The following UBR3 variants were observed in gnomAD, a reference collection of about 807,000 sequenced individuals.
UBR3 encodes ubiquitin protein ligase E3 component n-recognin 3, also known as E3 ubiquitin-protein ligase UBR3.
A neutral mutation model predicts 243.2 loss-of-function variants in UBR3; 85 were observed. That is an observed-to-expected ratio of 0.35 (90% CI 0.29 to 0.42). UBR3 has a LOEUF of 0.42. Among genes scored for constraint, UBR3 ranks in the 10% least tolerant of loss-of-function variants. UBR3 has a pLI of 1.00. For missense variants in UBR3, 1,686 were observed against 2,300.8 expected (o/e 0.73, Z 5.47); for synonymous variants, 748 against 799.8 (o/e 0.94, Z 1.09).
chr2:169,925,219 A>G (rs936003692), intron 13 of UBR3, among the ~76,000 whole-genome samples: 2 of 152,202 alleles, frequency 1.3e-5, no homozygotes, highest in Non-Finnish European at 2.9e-5. Flanking sequence ...GACTTTGAAC[A>G]GTTGGTTTTA....
chr2:169,917,495 A>G lies in UBR3; in HGVS notation c.1866+3349A>G, dbSNP rs79286936. Among the ~76,000 whole-genome samples the G allele has an allele frequency of 5.6e-3, 849 of 152,318 alleles. 7 individuals are homozygous for G. The highest frequency in any genetic ancestry group is 0.019 in the African/African-American group (801 of 41,570). On this transcript the variant is annotated intron_variant, in intron 11 of 38. Transcript: ENST00000272793. ...ACACAAGAAAATGATATTTAAATTA[A>G]TCATGCTTGGAATCATGAGTGTAGT...
At chr2:169,866,659 G>A (rs555128960) in intron 1 of UBR3, among the ~76,000 whole-genome samples, 12 of 152,132 alleles carry the variant, frequency 7.9e-5, no homozygotes, top group East Asian at 3.9e-4. Flanking sequence ...AACCGTGCCC[G>A]GACTGGAAGA....
In UBR3 at chr2:169,955,807, AAAAAG is replaced by A. The variant is rs1371865996; in HGVS notation, c.3546-2629_3546-2625del. Among the ~76,000 whole-genome samples, 125 of 150,896 alleles carry A rather than the reference AAAAAG, an allele frequency of 8.3e-4. 1 individual carries two copies. Among genetic ancestry groups the A allele is most frequent in the African/African-American group, 2.6e-3 (107 of 41,204 alleles). Reference sequence around the variant, plus strand: ...AGACTCCATCTCAAAAAAAAAAAAAAAAAAGATGTTGCAGGCTTATCCTGTACTTG... The same window carrying A: ...AGACTCCATCTCAAAAAAAAAAAAAAATGTTGCAGGCTTATCCTGTACTTG... On this transcript the variant is annotated intron_variant, in intron 23 of 38. Transcript: ENST00000272793.
At chr2:169,950,890 GAA>G (rs1194824933) in intron 23 of UBR3, among the ~76,000 whole-genome samples, 1 of 140,420 alleles carries the variant, frequency 7.1e-6, no homozygotes, top group African/African-American at 2.6e-5. Flanking sequence ...GTTTATTAAA[GAA>G]AAAAAAAAAG....
At chr2:169,831,162 G>C (rs2081930032) in intron 1 of UBR3, among the ~76,000 whole-genome samples, 1 of 90,156 alleles carries the variant, frequency 1.1e-5, no homozygotes, top group African/African-American at 4.4e-5. Context: ...TTTTGAGAGA[G>C]AGAGTTTTGC....
intron 8 of UBR3, among the ~76,000 whole-genome samples, chr2:169,904,119 G>A (rs2084927459): frequency 6.6e-6 from 1 of 151,930 alleles, no homozygotes; most frequent in Admixed American, 6.6e-5. Flanking sequence ...TCTGTCCCAA[G>A]GTTTTTTAGC....
At chr2:170,069,366 G>A (rs577591676) in intron 35 of UBR3, among the ~76,000 whole-genome samples, 27 of 151,972 alleles carry the variant, frequency 1.8e-4, no homozygotes, top group East Asian at 7.7e-4. Context: ...GTAATGTTTT[G>A]ATATATATGT....
intron 5 of UBR3, among the ~76,000 whole-genome samples, chr2:169,888,082 T>C (rs1425236249): frequency 6.6e-6 from 1 of 150,946 alleles, no homozygotes; most frequent in Non-Finnish European, 1.5e-5. Context: ...GGCAGTTTTT[T>C]CTTTTTCTTT....
intron 8 of UBR3, among the ~76,000 whole-genome samples, chr2:169,898,431 A>G (rs944858819): frequency 3.3e-5 from 5 of 152,202 alleles, no homozygotes; most frequent in Non-Finnish European, 5.9e-5. Flanking sequence ...TATGCATTAT[A>G]TCACTTAACC....
chr2:170,057,198 C>G (rs1218131469), intron 33 of UBR3, among the ~76,000 whole-genome samples: 1 of 151,404 alleles, frequency 6.6e-6, no homozygotes, highest in African/African-American at 2.4e-5. Flanking sequence ...TCACTGCAGC[C>G]TCAACCTCCT....
At chr2:169,871,385 G>A (rs1371839379) in intron 1 of UBR3, among the ~76,000 whole-genome samples, 1 of 149,986 alleles carries the variant, frequency 6.7e-6, no homozygotes, top group Non-Finnish European at 1.5e-5. Flanking sequence ...GGATGCATGT[G>A]AGTGACAAAG....
intron 27 of UBR3, among the ~76,000 whole-genome samples, chr2:170,005,477 G>A (rs73977007): frequency 0.074 from 11,293 of 152,186 alleles, 954 homozygotes; most frequent in African/African-American, 0.21. Context: ...CATAGAGGGC[G>A]AGTGGGAAAT....
intron 23 of UBR3, among the ~76,000 whole-genome samples, chr2:169,956,476 G>A (rs10164535): frequency 1.4e-3 from 220 of 152,060 alleles, no homozygotes; most frequent in African/African-American, 5.1e-3. Flanking sequence ...TTTTGAAATG[G>A]CCAACATCAT....
intron 19 of UBR3, among the ~76,000 whole-genome samples, chr2:169,936,911 C>G (rs1394761877): frequency 6.6e-6 from 1 of 152,148 alleles, no homozygotes; most frequent in East Asian, 1.9e-4. Flanking sequence ...TTTCTTAATC[C>G]AGTCTATCAT....
At chr2:169,936,162 C>T (rs891195646) in intron 19 of UBR3, among the ~76,000 whole-genome samples, 8 of 152,064 alleles carry the variant, frequency 5.3e-5, no homozygotes, top group Admixed American at 3.9e-4. Context: ...CGGATTCAAG[C>T]GATACATCCG....
chr2:170,072,076 A>G (rs559131881), intron 35 of UBR3, among the ~76,000 whole-genome samples: 222 of 152,300 alleles, frequency 1.5e-3, no homozygotes, highest in Non-Finnish European at 2.6e-3. Flanking sequence ...TACTGGGTAT[A>G]TACCCAAAGG....
chr2:169,944,536 C>G (rs1405918552), intron 20 of UBR3, among the ~76,000 whole-genome samples: 1 of 152,054 alleles, frequency 6.6e-6, no homozygotes, highest in Non-Finnish European at 1.5e-5. Flanking sequence ...AAATAACTTT[C>G]TTGATTTTAC....
Position 169,827,726 on chromosome 2 carries a change from C to CGCGGCG in UBR3, c.225_230dup (p.Ala76_Ala77dup). The CGCGGCG allele has an allele frequency of 8.1e-7, 1 of 1,234,340 alleles. No homozygotes were observed. The highest frequency in any genetic ancestry group is 1.0e-6 in the Non-Finnish European group (1 of 992,000). 76.5% of individuals were successfully genotyped at this position (1,234,340 alleles called of 1,614,324 possible). On this transcript the variant is annotated inframe_insertion, in exon 1 of 39. Coordinates refer to ENST00000272793, the MANE Select transcript of UBR3 (RefSeq NM_172070.4). The stretch of plus-strand genomic sequence containing the variant: ...TGGCCGCGGCTGCCGGCGGCGAGGA[C>CGCGGCG]GCGGCGGCGGCCGGAGGCGGGGGCG...
At chr2:170,066,735 G>A (rs904334309) in intron 35 of UBR3, among the ~76,000 whole-genome samples, 1 of 152,116 alleles carries the variant, frequency 6.6e-6, no homozygotes, top group African/African-American at 2.4e-5. Context: ...GGGAGGCTGA[G>A]GTGGGCGATC....
Sources: allele counts gnomAD v4.1 joint callset (sites outside exome capture counted in the v4.1 genomes callset), GRCh38; gene constraint gnomAD v4.1.1; transcripts MANE v1.5; gene names NCBI Gene and HGNC (gene_info 2026-07-23, HGNC 2026-07-21).